The following SLC16A2 variants were observed in gnomAD, a reference collection of about 807,000 sequenced individuals.
The protein encoded by SLC16A2 is solute carrier family 16 member 2.
In SLC16A2, 3 loss-of-function variants were observed where a neutral mutation model predicts 27.2. That is an observed-to-expected ratio of 0.11 (90% CI 0.05 to 0.28). The LOEUF (loss-of-function observed/expected upper bound fraction) is 0.28. Among genes scored for constraint, SLC16A2 ranks in the 10% least tolerant of loss-of-function variants. The pLI is 1.00. For synonymous variants in SLC16A2, 202 were observed against 187.8 expected, an observed-to-expected ratio of 1.08 and a Z score of -0.62; for missense variants, 295 against 458.5, an observed-to-expected ratio of 0.64 and a Z score of 3.26.
At chrX:74,520,784 T>G (rs1486368961) in intron 1 of SLC16A2, among the ~76,000 whole-genome samples, 1 of 111,724 alleles carries the variant, frequency 9.0e-6, no homozygotes, top group Non-Finnish European at 1.9e-5. Context: ...TATTGACTAG[T>G]CCAAATCTTA....
chrX:74,476,970 T>C (rs1363928979), intron 1 of SLC16A2: 1 of 112,060 alleles, frequency 8.9e-6, no homozygotes, highest in Non-Finnish European at 1.9e-5. Flanking sequence ...CAGGCTTTGG[T>C]ATCAGAATGA....
rs1284687227 is a variant in SLC16A2 at position 74,522,850 on chromosome X, T to C, written c.576-1509T>C. On this transcript the variant is annotated intron_variant, in intron 2 of 5. Transcript: ENST00000587091. ...GATGGCTTCACATCCAGTGGAAAAATGGTTCTTCTCATGGCTAGAGCTCCA... is the reference window on the plus strand; with the variant it reads ...GATGGCTTCACATCCAGTGGAAAAACGGTTCTTCTCATGGCTAGAGCTCCA... Among the ~76,000 whole-genome samples the C allele has an allele frequency of 5.4e-5, 6 of 111,402 alleles. No homozygotes were observed. The Admixed American group carries it at 5.7e-4, about 11-fold the overall frequency.
chrX:74,436,198 C>CGTGT (rs59105242), intron 1 of SLC16A2, among the ~76,000 whole-genome samples: 3 of 107,363 alleles, frequency 2.8e-5, no homozygotes, highest in Non-Finnish European at 5.8e-5. Context: ...AGAGTGTGTA[C>CGTGT]GTGTGTGTGT....
At position 74,493,653 on chromosome X, in the gene SLC16A2, G is replaced by T. The variant is rs759546100; in HGVS notation, c.431-27337G>T. On this transcript the variant is annotated intron_variant, in intron 1 of 5. Transcript: ENST00000587091. ...TTTGACGAGCTGCTTTCCTAGAATT[G>T]TTGAAATAACAAGAGTTTAGAAGTA... Among the ~76,000 whole-genome samples, 102 of 112,510 alleles carry T rather than the reference G, an allele frequency of 9.1e-4. 1 individual carries two copies. The Middle Eastern group carries it at 0.014, about 15-fold the overall frequency.
At chrX:74,523,324 G>GT (rs1238109619) in intron 2 of SLC16A2, among the ~76,000 whole-genome samples, 1 of 112,607 alleles carries the variant, frequency 8.9e-6, no homozygotes. Context: ...TGCAGCTTAG[G>GT]CCCAGTTCTT....
intron 4 of SLC16A2, among the ~76,000 whole-genome samples, chrX:74,528,696 G>GC (rs1410986383): frequency 9.0e-6 from 1 of 111,672 alleles, no homozygotes; most frequent in Non-Finnish European, 1.9e-5. Flanking sequence ...TATAAAATCA[G>GC]CCCCCACAAA....
At chrX:74,504,476 A>G (rs1326346896) in intron 1 of SLC16A2, among the ~76,000 whole-genome samples, 10 of 111,976 alleles carry the variant, frequency 8.9e-5, no homozygotes, top group African/African-American at 2.9e-4. Context: ...CATTTGCCCT[A>G]CTGAGGGCCT....
intron 1 of SLC16A2, among the ~76,000 whole-genome samples, chrX:74,422,800 C>A (rs1471171050): frequency 1.8e-5 from 2 of 112,650 alleles, no homozygotes; most frequent in Non-Finnish European, 3.8e-5. Context: ...GCGGTCTCCG[C>A]AGTCTCCTGC....
At chrX:74,508,244 C>G (rs1378955622) in intron 1 of SLC16A2, among the ~76,000 whole-genome samples, 1 of 111,847 alleles carries the variant, frequency 8.9e-6, no homozygotes, top group African/African-American at 3.2e-5. Flanking sequence ...TTGCAAAATT[C>G]TATCAAAAAA....
intron 2 of SLC16A2, among the ~76,000 whole-genome samples, 156 bp downstream of exon 2, chrX:74,521,290 T>C (rs570138134): frequency 4.8e-4 from 54 of 112,124 alleles, no homozygotes; most frequent in African/African-American, 1.5e-3. Context: ...ATCCAGTGAA[T>C]TCATCTGGGT....
chrX:74,439,160 CTTTCTTTCTTTCTTTCTTTCTTTCTT>C (rs1928678344), intron 1 of SLC16A2, among the ~76,000 whole-genome samples: 2 of 72,199 alleles, frequency 2.8e-5, no homozygotes, highest in African/African-American at 7.4e-5. Flanking sequence ...TTGCTCAACT[CTTTCTTTCTTTCTTTCTTTCTTTCTT>C]TTTCTTTCTT....
At chrX:74,454,923 G>GTT (rs1190051689) in intron 1 of SLC16A2, among the ~76,000 whole-genome samples, 1 of 108,837 alleles carries the variant, frequency 9.2e-6, no homozygotes, top group Non-Finnish European at 1.9e-5. Flanking sequence ...TTCACATTTA[G>GTT]TTTTGTATAA....
intron 1 of SLC16A2, among the ~76,000 whole-genome samples, chrX:74,450,411 C>T (rs1602111572): frequency 9.0e-6 from 1 of 111,665 alleles, no homozygotes; most frequent in Non-Finnish European, 1.9e-5. Flanking sequence ...AAGTCTCTTC[C>T]TCTGTAGAAT....
chrX:74,428,206 GA>G (rs1928452925), intron 1 of SLC16A2, among the ~76,000 whole-genome samples: 1 of 111,267 alleles, frequency 9.0e-6, no homozygotes, highest in African/African-American at 3.3e-5. Flanking sequence ...TAAACCTAGA[GA>G]GATTTCATCA....
intron 1 of SLC16A2, among the ~76,000 whole-genome samples, chrX:74,462,718 G>A (rs1346194686): frequency 4.5e-5 from 5 of 111,980 alleles, no homozygotes; most frequent in Non-Finnish European, 9.4e-5. Context: ...AACTTTCACA[G>A]CCCTGGGAGA....
intron 2 of SLC16A2, among the ~76,000 whole-genome samples, chrX:74,522,756 C>A (rs1353087691): frequency 8.9e-6 from 1 of 111,839 alleles, no homozygotes; most frequent in Non-Finnish European, 1.9e-5. Flanking sequence ...TGTTCTCTAG[C>A]CCCTAACCTT....
intron 1 of SLC16A2, among the ~76,000 whole-genome samples, chrX:74,434,083 T>G (rs760564624): frequency 8.9e-6 from 1 of 111,807 alleles, no homozygotes; most frequent in African/African-American, 3.2e-5. Flanking sequence ...TTAATATTGG[T>G]TGAATTCAAG....
At chrX:74,455,809 T>C (rs1247208748) in intron 1 of SLC16A2, among the ~76,000 whole-genome samples, 2 of 111,741 alleles carry the variant, frequency 1.8e-5, no homozygotes. Flanking sequence ...GACAAGGCTT[T>C]GGACCTGTGT....
chrX:74,476,071 C>A (rs1284494795), intron 1 of SLC16A2, among the ~76,000 whole-genome samples: 3 of 111,144 alleles, frequency 2.7e-5, no homozygotes, highest in Non-Finnish European at 3.8e-5. Context: ...TTACCTTGGG[C>A]AGTATGGCCA....
Sources: allele counts gnomAD v4.1 joint callset (sites outside exome capture counted in the v4.1 genomes callset), GRCh38; gene constraint gnomAD v4.1.1; transcripts MANE v1.5; gene names NCBI Gene and HGNC (gene_info 2026-07-23, HGNC 2026-07-21).